The following ARHGAP6 variants were observed in gnomAD, a reference collection of about 807,000 sequenced individuals.
ARHGAP6 encodes rho GTPase-activating protein 6.
Under a neutral mutation model 55.7 loss-of-function variants are expected in ARHGAP6, and 16 were observed. That is an observed-to-expected ratio of 0.29 (90% CI 0.19 to 0.44). The LOEUF is 0.44. Among genes scored for constraint, ARHGAP6 ranks in the 20% least tolerant of loss-of-function variants. The pLI is 1.00. For synonymous variants in ARHGAP6, 382 were observed against 360.9 expected (o/e 1.06, Z -0.66); for missense variants, 698 against 808.9 (o/e 0.86, Z 1.66).
At chrX:11,322,128 T>G (rs1197289384) in intron 1 of ARHGAP6, among the ~76,000 whole-genome samples, 1 of 112,098 alleles carries the variant, frequency 8.9e-6, no homozygotes, top group Non-Finnish European at 1.9e-5. Flanking sequence ...AGAAAACATT[T>G]TATTGATCAT....
chrX:11,514,747 C>T (rs776482259), intron 1 of ARHGAP6, among the ~76,000 whole-genome samples: 5 of 110,515 alleles, frequency 4.5e-5, no homozygotes, highest in Non-Finnish European at 9.4e-5. Context: ...TGATTTGACC[C>T]ACTTTTACTT....
At chrX:11,549,306 C>T (rs2051242355) in intron 1 of ARHGAP6, among the ~76,000 whole-genome samples, 1 of 111,894 alleles carries the variant, frequency 8.9e-6, no homozygotes, top group Non-Finnish European at 1.9e-5. Flanking sequence ...ACTAAAAAGC[C>T]TCTTCACAGC....
chrX:11,138,710 G>T lies in ARHGAP6; in HGVS notation c.*153C>A. ...TATTCTCAATGGCGGGGGCGTGAGTGCTCTACCTCTGTAGGTGAACTGGAT... is the reference window on the plus strand; with the variant it reads ...TATTCTCAATGGCGGGGGCGTGAGTTCTCTACCTCTGTAGGTGAACTGGAT... On this transcript the variant is annotated 3_prime_UTR_variant, in exon 13 of 13. Coordinates refer to ENST00000337414, the MANE Select transcript of ARHGAP6 (RefSeq NM_013427.3). 1.7e-6 allele frequency: 1 copy of T among 602,610 alleles called. No homozygotes were observed. The highest frequency in any genetic ancestry group is 2.5e-6 in the Non-Finnish European group (1 of 396,066). 49.7% of individuals were successfully genotyped at this position (602,610 alleles called of 1,213,427 possible). A position where few individuals can be genotyped will look rare whatever the true frequency, so the allele number is the denominator to read the frequency against.
intron 1 of ARHGAP6, among the ~76,000 whole-genome samples, chrX:11,393,081 T>C (rs2049429561): frequency 1.8e-5 from 2 of 111,824 alleles, no homozygotes; most frequent in Non-Finnish European, 3.8e-5. Flanking sequence ...AAAGCAGTAT[T>C]ATTTTCTTAT....
chrX:11,248,380 C>T (rs2047379380), intron 2 of ARHGAP6, among the ~76,000 whole-genome samples: 1 of 111,501 alleles, frequency 9.0e-6, no homozygotes, highest in Admixed American at 9.5e-5. Context: ...ATGCAAGAAC[C>T]CAAAAGCAAA....
intron 1 of ARHGAP6, among the ~76,000 whole-genome samples, chrX:11,383,237 T>A (rs2049283968): frequency 9.0e-6 from 1 of 111,494 alleles, no homozygotes; most frequent in Admixed American, 9.5e-5. Flanking sequence ...GCTTCATGGT[T>A]CATTGTGGAG....
At chrX:11,191,037 CT>C (rs1334533535) in intron 3 of ARHGAP6, among the ~76,000 whole-genome samples, 1 of 112,795 alleles carries the variant, frequency 8.9e-6, no homozygotes. Context: ...CTATGGATAA[CT>C]TTAAACCATG....
chrX:11,518,103 AACCAAAATCAGTTTGTCCTCCTGTCT>A (rs2050864318), intron 1 of ARHGAP6, among the ~76,000 whole-genome samples: 1 of 111,737 alleles, frequency 8.9e-6, no homozygotes, highest in East Asian at 2.8e-4. Flanking sequence ...ACTCATCCAC[AACCAAAATCAGTTTGTCCTCCTGTCT>A]TCAATTTTCT....
chrX:11,457,075 T>C (rs1170080113), intron 1 of ARHGAP6, among the ~76,000 whole-genome samples: 1 of 111,695 alleles, frequency 9.0e-6, no homozygotes, highest in Non-Finnish European at 1.9e-5. Context: ...GCTGGAACCC[T>C]GTGCATATCC....
chrX:11,186,393 G>A lies in ARHGAP6; in HGVS notation c.1116C>T (p.Asp372=). 9.9e-6 allele frequency: 12 copies of A among 1,211,028 alleles called. No individual in the cohort carries two copies. The highest frequency in any genetic ancestry group is 1.3e-5 in the Non-Finnish European group (12 of 895,117). ...AAGCTTCTAGTAGTCGAGACTGATTGTCATCAAGATCGGTGATAGAATCCA... is the reference window on the plus strand; with the variant it reads ...AAGCTTCTAGTAGTCGAGACTGATTATCATCAAGATCGGTGATAGAATCCA... ...MSVDSITDLD[D]NQSRLLEALQ... Residue 372 remains aspartate, a synonymous_variant, in exon 5 of 13, where the codon GAC becomes GAT. Coordinates refer to ENST00000337414, the MANE Select transcript of ARHGAP6 (RefSeq NM_013427.3).
chrX:11,614,397 T>C (rs1398806788), intron 1 of ARHGAP6, among the ~76,000 whole-genome samples: 1 of 111,302 alleles, frequency 9.0e-6, no homozygotes, highest in Non-Finnish European at 1.9e-5. Flanking sequence ...TTACCATTCA[T>C]GGAGGAAGGT....
At chrX:11,524,129 T>A (rs1024591944) in intron 1 of ARHGAP6, among the ~76,000 whole-genome samples, 1 of 112,006 alleles carries the variant, frequency 8.9e-6, no homozygotes, top group African/African-American at 3.2e-5. Context: ...AAAGAAGTGA[T>A]GTAGTTGCAC....
At chrX:11,290,892 T>C (rs973834996) in intron 1 of ARHGAP6, among the ~76,000 whole-genome samples, 1 of 111,844 alleles carries the variant, frequency 8.9e-6, no homozygotes, top group African/African-American at 3.3e-5. Context: ...CCACTTAGAG[T>C]GTTCCTTTAC....
At chrX:11,361,454 T>C (rs1258829616) in intron 1 of ARHGAP6, among the ~76,000 whole-genome samples, 1 of 111,362 alleles carries the variant, frequency 9.0e-6, no homozygotes, top group East Asian at 2.8e-4. Context: ...TAGCCATATG[T>C]AGAAAGCTGA....
chrX:11,256,107 C>A (rs1397425842), intron 1 of ARHGAP6, among the ~76,000 whole-genome samples: 1 of 112,369 alleles, frequency 8.9e-6, no homozygotes, highest in Non-Finnish European at 1.9e-5. Context: ...AGAAGTCACT[C>A]GCCTGGACGT....
chrX:11,533,904 C>G (rs1389366562), intron 1 of ARHGAP6, among the ~76,000 whole-genome samples: 1 of 111,967 alleles, frequency 8.9e-6, no homozygotes, highest in East Asian at 2.8e-4. Context: ...GTAATAGTTT[C>G]TAGACTATGA....
intron 1 of ARHGAP6, chrX:11,335,696 T>C (rs1432837770): frequency 3.1e-6 from 1 of 317,808 alleles, no homozygotes; most frequent in Non-Finnish European, 6.0e-6. Flanking sequence ...GGGTCTCTTA[T>C]TGTCCCGGTA....
At chrX:11,340,183 T>C (rs1382116145) in intron 1 of ARHGAP6, among the ~76,000 whole-genome samples, 1 of 111,789 alleles carries the variant, frequency 8.9e-6, no homozygotes, top group Non-Finnish European at 1.9e-5. Context: ...CCCATCCTAA[T>C]TCAATGGCTT....
At chrX:11,603,044 G>A (rs778406927) in intron 1 of ARHGAP6, among the ~76,000 whole-genome samples, 6 of 111,955 alleles carry the variant, frequency 5.4e-5, no homozygotes, top group South Asian at 3.7e-4. Context: ...ACACATTTTC[G>A]TCAGCATGGC....
Sources: gnomAD v4.1 joint callset for allele counts (sites outside exome capture counted in the v4.1 genomes callset) on GRCh38, gnomAD v4.1.1 for gene constraint, MANE v1.5 for transcripts, NCBI Gene and HGNC (gene_info 2026-07-23, HGNC 2026-07-21) for gene names.